The following PPFIA2 variants were observed in gnomAD, a reference collection of about 807,000 sequenced individuals.
The protein encoded by PPFIA2 is liprin-alpha-2.
In PPFIA2, 46 loss-of-function variants were observed where a neutral mutation model predicts 175.5. That is an observed-to-expected ratio of 0.26 (90% CI 0.21 to 0.34). The LOEUF (loss-of-function observed/expected upper bound fraction) is 0.34, where lower values mean the gene tolerates loss of function less well. PPFIA2 is among the 10% of genes least tolerant of loss of function. The pLI is 1.00. For synonymous variants in PPFIA2, 568 were observed against 511.4 expected (o/e 1.11, Z -1.49); for missense variants, 1,179 against 1,506.1 (o/e 0.78, Z 3.60).
intron 32 of PPFIA2, chr12:81,260,498 T>C (rs1277515184): frequency 6.6e-6 from 1 of 152,222 alleles, no homozygotes; most frequent in African/African-American, 2.4e-5. Context: ...AACAGTATTT[T>C]GGGAGACCTC....
At chr12:81,731,499 C>G (rs1159763323) in intron 3 of PPFIA2, among the ~76,000 whole-genome samples, 1 of 151,654 alleles carries the variant, frequency 6.6e-6, no homozygotes, top group African/African-American at 2.4e-5. Flanking sequence ...AATGCATTTT[C>G]TGTCTCAAGT....
chr12:81,479,774 C>T (rs1305221426), intron 4 of PPFIA2, among the ~76,000 whole-genome samples: 5 of 151,840 alleles, frequency 3.3e-5, no homozygotes, highest in South Asian at 4.1e-4. Flanking sequence ...CAGAGAGATC[C>T]GTGGTTAGTC....
chr12:81,657,360 A>G (rs2067952722), intron 4 of PPFIA2, among the ~76,000 whole-genome samples: 5 of 152,198 alleles, frequency 3.3e-5, no homozygotes, highest in Admixed American at 6.5e-5. Context: ...GCCAAAAGAG[A>G]TAGAATGCAG....
chr12:81,380,553 A>G (rs888705832), intron 9 of PPFIA2, among the ~76,000 whole-genome samples: 1 of 152,072 alleles, frequency 6.6e-6, no homozygotes, highest in Non-Finnish European at 1.5e-5. Flanking sequence ...AAAAGATCCA[A>G]ATATTGATTA....
chr12:81,311,732 C>CAAA (rs1050904857), intron 22 of PPFIA2, among the ~76,000 whole-genome samples: 1 of 48,330 alleles, frequency 2.1e-5, no homozygotes, highest in Admixed American at 2.2e-4. Context: ...GACTCTGTCT[C>CAAA]AAAAAAAAAA....
intron 4 of PPFIA2, among the ~76,000 whole-genome samples, chr12:81,504,494 A>G (rs1353715404): frequency 6.6e-6 from 1 of 152,190 alleles, no homozygotes; most frequent in Non-Finnish European, 1.5e-5. Context: ...TCAGGAAACA[A>G]CAGATGCTGG....
chr12:81,540,153 C>A (rs1372201934), intron 4 of PPFIA2, among the ~76,000 whole-genome samples: 2 of 151,992 alleles, frequency 1.3e-5, no homozygotes, highest in African/African-American at 4.8e-5. Context: ...TCACCAACTC[C>A]TGTTCTCTTG....
At chr12:81,494,886 T>C (rs1259000005) in intron 4 of PPFIA2, among the ~76,000 whole-genome samples, 4 of 136,576 alleles carry the variant, frequency 2.9e-5, no homozygotes, top group South Asian at 2.3e-4. Flanking sequence ...TAGGTGGGAA[T>C]TGAACAATGA....
rs1413381726 is a variant in PPFIA2, at chr12:81,392,633, T to G, written c.763-8389A>C. On this transcript the variant is annotated intron_variant, in intron 8 of 32. Coordinates refer to ENST00000549396, the MANE Select transcript of PPFIA2 (RefSeq NM_003625.5). ...TCTTTCTCACCTACCAAAATATATA[T>G]TCCTAAAATTTTTATCTCTATTAAA... Among the ~76,000 whole-genome samples the G allele has an allele frequency of 4.6e-5, 7 of 151,982 alleles. No individual in the cohort carries two copies. In the South Asian group the frequency reaches 1.4e-3, roughly 31 times the overall value.
At chr12:81,264,805 T>G (rs2036703841) in intron 30 of PPFIA2, among the ~76,000 whole-genome samples, 1 of 152,350 alleles carries the variant, frequency 6.6e-6, no homozygotes, top group East Asian at 1.9e-4. Flanking sequence ...CTGCTGTGTT[T>G]TTCATTGCCC....
At chr12:81,450,671 T>C (rs2052385097) in intron 5 of PPFIA2, among the ~76,000 whole-genome samples, 2 of 152,206 alleles carry the variant, frequency 1.3e-5, no homozygotes, top group Admixed American at 1.3e-4. Context: ...ATTTTGGCTT[T>C]TGTTGCCATT....
At chr12:81,660,569 C>G (rs527308395) in intron 4 of PPFIA2, among the ~76,000 whole-genome samples, 2,475 of 152,232 alleles carry the variant, frequency 0.016, 27 homozygotes, top group Middle Eastern at 0.061. Context: ...ATCTACGTCC[C>G]ATTGGTGTAC....
chr12:81,691,308 C>T (rs1403122647), intron 3 of PPFIA2, among the ~76,000 whole-genome samples: 1 of 151,960 alleles, frequency 6.6e-6, no homozygotes, highest in African/African-American at 2.4e-5. Context: ...GTTTTCTTTC[C>T]ACATAAATCC....
intron 6 of PPFIA2, among the ~76,000 whole-genome samples, chr12:81,442,848 C>CATATATATAT (rs35192542): frequency 1.3e-3 from 19 of 14,088 alleles, no homozygotes; most frequent in South Asian, 5.5e-3. Flanking sequence ...TTTCTGACTT[C>CATATATATAT]ATATATATAT....
intron 4 of PPFIA2, among the ~76,000 whole-genome samples, chr12:81,558,010 C>A (rs2069196887): frequency 1.3e-5 from 2 of 151,956 alleles, no homozygotes; most frequent in Admixed American, 1.3e-4. Flanking sequence ...CTCAAATCTA[C>A]CATTATAATA....
At chr12:81,496,888 T>C (rs12300090) in intron 4 of PPFIA2, among the ~76,000 whole-genome samples, 47,224 of 152,048 alleles carry the variant, frequency 0.31, 7,846 homozygotes, top group African/African-American at 0.43. Context: ...GGATATCCTA[T>C]GCCACAGACC....
chr12:81,284,767 G>GA (rs751834985), intron 24 of PPFIA2, among the ~76,000 whole-genome samples: 5 of 151,482 alleles, frequency 3.3e-5, no homozygotes, highest in Non-Finnish European at 4.4e-5. Context: ...TCCTTTGAAG[G>GA]AAAAAAAATG....
At chr12:81,712,676 C>CT (rs1367295757) in intron 3 of PPFIA2, among the ~76,000 whole-genome samples, 2 of 151,026 alleles carry the variant, frequency 1.3e-5, no homozygotes, top group South Asian at 2.1e-4. Flanking sequence ...TAACAGGTGC[C>CT]TTACTGGGTG....
chr12:81,639,583 A>G (rs1371483592), intron 4 of PPFIA2, among the ~76,000 whole-genome samples: 1 of 152,092 alleles, frequency 6.6e-6, no homozygotes, highest in Non-Finnish European at 1.5e-5. Context: ...AGTCAGCAAT[A>G]AAATATAATG....
Sources: gnomAD v4.1 joint callset for allele counts (sites outside exome capture counted in the v4.1 genomes callset) on GRCh38, gnomAD v4.1.1 for gene constraint, MANE v1.5 for transcripts, NCBI Gene and HGNC (gene_info 2026-07-23, HGNC 2026-07-21) for gene names.